The following TIAM1 variants were observed in gnomAD, a reference collection of about 807,000 sequenced individuals.
The protein encoded by TIAM1 is rho guanine nucleotide exchange factor TIAM1.
In TIAM1, 65 loss-of-function variants were observed where a neutral mutation model predicts 163.5. The observed-to-expected ratio is 0.40, with a 90% CI of 0.33 to 0.49. The LOEUF is 0.49. Among genes scored for constraint, TIAM1 ranks in the 20% least tolerant of loss-of-function variants. The probability of loss-of-function intolerance (pLI) is 0.77; values close to 1 mark genes in which losing one functional copy is unlikely to be tolerated. For missense variants in TIAM1, 1,789 were observed against 2,044.7 expected, an observed-to-expected ratio of 0.87 and a Z score of 2.41; for synonymous variants, 833 against 810.1, an observed-to-expected ratio of 1.03 and a Z score of -0.48.
Position 31,141,546 on chromosome 21 carries a change from C to T in TIAM1, c.3476-42G>A, listed in dbSNP as rs746445045. 40 of 1,594,262 alleles carry T rather than the reference C, an allele frequency of 2.5e-5. No individual in the cohort carries two copies. Among genetic ancestry groups the T allele is most frequent in the Non-Finnish European group, 3.2e-5 (37 of 1,169,012 alleles). ...ACAGGTCATGGGGGTGGAACGCCCA[C>T]GTGACTCCCTTCCCACAATTTCCCT... On this transcript the variant is annotated intron_variant, in intron 20 of 27. Coordinates refer to ENST00000541036, the MANE Select transcript of TIAM1 (RefSeq NM_001353694.2). This position sits in a 1 kb window ranked among gnomAD's most constrained non-coding sequence, Gnocchi z 4.7.
intron 1 of TIAM1, among the ~76,000 whole-genome samples, chr21:31,487,552 G>T (rs1025295504): frequency 6.6e-4 from 30 of 45,794 alleles, no homozygotes; most frequent in African/African-American, 1.6e-3. Flanking sequence ...TTTTTTTTTT[G>T]TATTTTTTTT....
At chr21:31,208,675 C>T (rs1009905100) in intron 11 of TIAM1, among the ~76,000 whole-genome samples, 2 of 152,192 alleles carry the variant, frequency 1.3e-5, no homozygotes, top group Admixed American at 1.3e-4. Flanking sequence ...TATTTTTCCT[C>T]CACATACATA....
intron 20 of TIAM1, among the ~76,000 whole-genome samples, chr21:31,143,515 T>A (rs1157299882): frequency 6.6e-6 from 1 of 151,498 alleles, no homozygotes; most frequent in African/African-American, 2.4e-5. Context: ...TATAGAAATT[T>A]AAAAGTTTAA....
intron 20 of TIAM1, among the ~76,000 whole-genome samples, chr21:31,145,068 C>T (rs73347797): frequency 0.041 from 6,265 of 151,996 alleles, 411 homozygotes; most frequent in African/African-American, 0.14. Context: ...TTAACAATCT[C>T]GTAACAATTA....
intron 1 of TIAM1, among the ~76,000 whole-genome samples, chr21:31,487,528 G>A (rs1324688468): frequency 2.0e-5 from 3 of 146,584 alleles, no homozygotes; most frequent in African/African-American, 7.6e-5. Flanking sequence ...CCGCCACCAT[G>A]CCCAGCTAAT....
chr21:31,412,598 A>G (rs36075644), intron 2 of TIAM1, among the ~76,000 whole-genome samples: 5,619 of 151,986 alleles, frequency 0.037, 176 homozygotes, highest in East Asian at 0.11. Context: ...CCTGGCCAAC[A>G]TGGTGAAACC....
At chr21:31,231,194 C>T (rs536597897) in intron 6 of TIAM1, among the ~76,000 whole-genome samples, 4 of 152,278 alleles carry the variant, frequency 2.6e-5, no homozygotes, top group South Asian at 2.1e-4. Flanking sequence ...AGGATGAGTA[C>T]GGCTCTGGAG....
At position 31,136,029 on chromosome 21, in the gene TIAM1, T is replaced by G; in HGVS notation, c.3787A>C (p.Ser1263Arg). ...GTGTGCAAAAGCAGGTCTCCCATGCTCAGATCTGCAACCTGAAAGCCAGAG... is the reference window on the plus strand; with the variant it reads ...GTGTGCAAAAGCAGGTCTCCCATGCGCAGATCTGCAACCTGAAAGCCAGAG... The part of the protein sequence containing the change: ...TGEKKEVADL[S>R]MGDLLLHTTV... The change falls in exon 23 of 28, where the codon AGC (serine) becomes CGC (arginine). Residue 1263 changes from serine to arginine, a missense_variant. Transcript: ENST00000541036. 1.2e-6 allele frequency: 2 copies of G among 1,613,868 alleles called. No homozygotes were observed. Among genetic ancestry groups the G allele is most frequent in the Non-Finnish European group, 1.7e-6 (2 of 1,179,810 alleles).
chr21:31,240,446 A>G (rs1287071227), intron 6 of TIAM1, among the ~76,000 whole-genome samples: 2 of 152,128 alleles, frequency 1.3e-5, no homozygotes, highest in Non-Finnish European at 2.9e-5. Context: ...CTCCTCATCT[A>G]TACAATCACA....
At chr21:31,324,024 AT>A (rs1255178408) in intron 2 of TIAM1, among the ~76,000 whole-genome samples, 1 of 150,744 alleles carries the variant, frequency 6.6e-6, no homozygotes, top group Non-Finnish European at 1.5e-5. Context: ...AAAAAAAAAA[AT>A]CAGTGACTTC....
At chr21:31,427,365 T>C (rs1282236758) in intron 2 of TIAM1, among the ~76,000 whole-genome samples, 1 of 151,960 alleles carries the variant, frequency 6.6e-6, no homozygotes, top group African/African-American at 2.4e-5. Context: ...TGGGCGCCTG[T>C]AGTCCCAGCT....
chr21:31,130,606 A>G (rs2082380427), intron 24 of TIAM1, among the ~76,000 whole-genome samples: 1 of 152,176 alleles, frequency 6.6e-6, no homozygotes, highest in African/African-American at 2.4e-5. Context: ...AGAGAAGGGG[A>G]AAAGTAGCGT....
At chr21:31,478,312 G>A (rs1389868761) in intron 1 of TIAM1, among the ~76,000 whole-genome samples, 1 of 152,056 alleles carries the variant, frequency 6.6e-6, no homozygotes, top group African/African-American at 2.4e-5. Flanking sequence ...ATAGAACCAA[G>A]CTTTCTGTTT....
Position 31,423,168 on chromosome 21 carries a change from C to G in TIAM1, c.-369+40815G>C, listed in dbSNP as rs796724970. On this transcript the variant is annotated intron_variant, in intron 2 of 28. Transcript: ENST00000286827. ...GGCTGGAGTGCAGTGGCATGATCTC[C>G]GCTCACTGCAAGCTCCGCCTCCCGG... Among the ~76,000 whole-genome samples, 21 of 146,374 alleles carry G rather than the reference C, an allele frequency of 1.4e-4. No homozygotes were observed. The South Asian group carries it at 4.4e-3, about 30-fold the overall frequency.
At chr21:31,351,725 C>T (rs1602071777) in intron 2 of TIAM1, among the ~76,000 whole-genome samples, 2 of 152,262 alleles carry the variant, frequency 1.3e-5, no homozygotes, top group East Asian at 1.9e-4. Flanking sequence ...GTCAAAGATA[C>T]AGACTTCCTC....
At chr21:31,258,396 T>C (rs541690768) in intron 4 of TIAM1, among the ~76,000 whole-genome samples, 2 of 152,298 alleles carry the variant, frequency 1.3e-5, no homozygotes, top group Admixed American at 6.5e-5. Flanking sequence ...TCAACTAAAG[T>C]TGAGGTGACA....
At position 31,266,608 on chromosome 21, in the gene TIAM1, G is replaced by C. The variant is rs757606765; in HGVS notation, c.365C>G (p.Ser122Cys). Residue 122 changes from serine to cysteine, a missense_variant, in exon 4 of 28, where the codon TCT becomes TGT. This residue lies in a region of TIAM1 where 555 missense variants were observed against 564.9 expected (regional missense o/e 0.98). Transcript: ENST00000541036. ...CTCAGTGTCTGGCATGCTCTGCACA[G>C]AGGCTGCTGTGAGGACGATGCTGCT... is the stretch of plus-strand genomic sequence containing the variant. Reference protein sequence around the residue: ...VDSSIVLTAASVQSMPDTEES... With the variant: ...VDSSIVLTAACVQSMPDTEES... 4.3e-6 allele frequency: 7 copies of C among 1,614,092 alleles called. No homozygotes were observed. The African/African-American group carries it at 8.0e-5, about 18-fold the overall frequency.
chr21:31,502,992 C>T (rs1006641124), intron 1 of TIAM1, among the ~76,000 whole-genome samples: 5 of 152,186 alleles, frequency 3.3e-5, no homozygotes, highest in South Asian at 2.1e-4. Flanking sequence ...CAGTGGCTCA[C>T]GCCTGCTGTG....
intron 1 of TIAM1, among the ~76,000 whole-genome samples, chr21:31,524,415 C>G (rs1052074418): frequency 6.6e-6 from 1 of 152,178 alleles, no homozygotes; most frequent in African/African-American, 2.4e-5. Context: ...GCCCCCACAA[C>G]ACAAACACCT....
Sources: allele counts gnomAD v4.1 joint callset (sites outside exome capture counted in the v4.1 genomes callset), GRCh38; gene constraint gnomAD v4.1.1; regional missense constraint gnomAD v4.1.1; non-coding constraint Gnocchi (gnomAD v3.1); transcripts MANE v1.5; gene names NCBI Gene and HGNC (gene_info 2026-07-23, HGNC 2026-07-21).